Variants in RBFOX1 observed in about 807,000 individuals in gnomAD.
RBFOX1 encodes the protein RNA binding protein fox-1 homolog 1.
Under a neutral mutation model 57.7 loss-of-function variants are expected in RBFOX1, and 8 were observed. The observed-to-expected ratio is 0.14, with a 90% confidence interval of 0.08 to 0.25. The LOEUF (loss-of-function observed/expected upper bound fraction) is 0.25. Among genes scored for constraint, RBFOX1 ranks in the 10% least tolerant of loss-of-function variants. RBFOX1 has a pLI of 1.00. For missense variants in RBFOX1, 611 were observed against 548.5 expected, an observed-to-expected ratio of 1.11 and a Z score of -1.14; for synonymous variants, 326 against 222.4, an observed-to-expected ratio of 1.47 and a Z score of -4.15.
chr16:5,698,478 C>G (rs1283664065), intron 3 of RBFOX1, among the ~76,000 whole-genome samples: 3 of 152,190 alleles, frequency 2.0e-5, no homozygotes, highest in South Asian at 2.1e-4. Flanking sequence ...TTCTAGAAAA[C>G]TGTACATGTA....
chr16:5,432,522 C>A (rs1332660223), intron 1 of RBFOX1, among the ~76,000 whole-genome samples: 1 of 147,566 alleles, frequency 6.8e-6, no homozygotes, highest in East Asian at 1.9e-4. Context: ...TATCGTCTTA[C>A]CTTACAACTG....
At chr16:6,978,753 A>G (rs1455494629) in intron 3 of RBFOX1, among the ~76,000 whole-genome samples, 1 of 152,212 alleles carries the variant, frequency 6.6e-6, no homozygotes, top group South Asian at 2.1e-4. Flanking sequence ...TTCGAACCCC[A>G]GATTTGAACC....
At chr16:7,347,872 C>G (rs1228926629) in intron 4 of RBFOX1, among the ~76,000 whole-genome samples, 5 of 152,166 alleles carry the variant, frequency 3.3e-5, no homozygotes, top group Non-Finnish European at 1.5e-5. Context: ...CATTCCGAGA[C>G]AGGCGTCTTG....
chr16:5,929,325 T>G (rs2059000357), intron 4 of RBFOX1, among the ~76,000 whole-genome samples: 1 of 152,078 alleles, frequency 6.6e-6, no homozygotes, highest in Admixed American at 6.5e-5. Flanking sequence ...CCTCTCTCTC[T>G]CTCTCTCTCT....
chr16:7,464,436 T>C (rs187371580), intron 4 of RBFOX1, among the ~76,000 whole-genome samples: 3 of 152,122 alleles, frequency 2.0e-5, no homozygotes, highest in African/African-American at 4.8e-5. Context: ...TGGTGGTCAC[T>C]TCTGCAAAAT....
chr16:5,580,970 A>G (rs571490447), intron 2 of RBFOX1, among the ~76,000 whole-genome samples: 1 of 152,324 alleles, frequency 6.6e-6, no homozygotes, highest in Non-Finnish European at 1.5e-5. Context: ...GTTTTCCTTT[A>G]TCTCAACTCT....
chr16:7,439,953 T>TC (rs2098753334), intron 4 of RBFOX1, among the ~76,000 whole-genome samples: 1 of 147,408 alleles, frequency 6.8e-6, no homozygotes, highest in Non-Finnish European at 1.5e-5. Flanking sequence ...TTCTTTCTTT[T>TC]TTTTTTTTTT....
intron 3 of RBFOX1, among the ~76,000 whole-genome samples, chr16:6,791,354 C>A (rs1019355918): frequency 6.6e-6 from 1 of 152,130 alleles, no homozygotes; most frequent in Non-Finnish European, 1.5e-5. Context: ...TACTTTGCAT[C>A]AAATTATTTC....
intron 4 of RBFOX1, among the ~76,000 whole-genome samples, chr16:7,154,640 G>C (rs2076725052): frequency 6.6e-6 from 1 of 151,546 alleles, no homozygotes; most frequent in African/African-American, 2.4e-5. Context: ...AATGTGATTG[G>C]AGAGGCATAA....
chr16:7,102,371 T>C (rs2062844565), intron 4 of RBFOX1, among the ~76,000 whole-genome samples: 1 of 152,218 alleles, frequency 6.6e-6, no homozygotes, highest in African/African-American at 2.4e-5. Flanking sequence ...AGCCTTAGAA[T>C]TGTCTTTAGT....
chr16:5,833,829 G>T (rs930383168), intron 3 of RBFOX1, among the ~76,000 whole-genome samples: 11 of 152,096 alleles, frequency 7.2e-5, no homozygotes, highest in African/African-American at 2.4e-4. Context: ...TTATAATTTT[G>T]GAAAGATTGG....
intron 2 of RBFOX1, among the ~76,000 whole-genome samples, chr16:5,516,733 G>A (rs1210827788): frequency 6.6e-6 from 1 of 152,004 alleles, no homozygotes; most frequent in African/African-American, 2.4e-5. Flanking sequence ...TTTTTTGCAT[G>A]CTGTTCTCGA....
intron 4 of RBFOX1, among the ~76,000 whole-genome samples, chr16:7,337,142 C>T (rs138906709): frequency 3.3e-5 from 5 of 152,222 alleles, no homozygotes; most frequent in African/African-American, 1.2e-4. Flanking sequence ...TACACTTAGA[C>T]AAAGCTAGGT....
At chr16:7,329,346 C>G (rs1051105005) in intron 4 of RBFOX1, among the ~76,000 whole-genome samples, 2 of 152,140 alleles carry the variant, frequency 1.3e-5, no homozygotes, top group African/African-American at 2.4e-5. Context: ...TGCATTACAC[C>G]GTGAGCGTAA....
chr16:5,643,469 G>A (rs2048947085), intron 3 of RBFOX1, among the ~76,000 whole-genome samples: 1 of 152,152 alleles, frequency 6.6e-6, no homozygotes, highest in Non-Finnish European at 1.5e-5. Context: ...GAGCTTCTCT[G>A]CTGAGAGGTA....
At chr16:6,720,205 T>C (rs1301543649) in intron 3 of RBFOX1, among the ~76,000 whole-genome samples, 1 of 152,162 alleles carries the variant, frequency 6.6e-6, no homozygotes, top group Non-Finnish European at 1.5e-5. Flanking sequence ...TTGTAGTCCT[T>C]ATCACCTTGG....
At chr16:6,332,504 C>T (rs1023308447) in intron 2 of RBFOX1, among the ~76,000 whole-genome samples, 1 of 152,186 alleles carries the variant, frequency 6.6e-6, no homozygotes, top group Non-Finnish European at 1.5e-5. Context: ...ATATAGGAGA[C>T]ATGACTGACT....
intron 2 of RBFOX1, among the ~76,000 whole-genome samples, chr16:5,526,595 C>T (rs1479457361): frequency 6.6e-6 from 1 of 152,140 alleles, no homozygotes; most frequent in African/African-American, 2.4e-5. Flanking sequence ...GGCTTCCACT[C>T]CCTTTTGTGA....
intron 3 of RBFOX1, among the ~76,000 whole-genome samples, chr16:5,803,423 A>G (rs1398778580): frequency 1.3e-5 from 2 of 152,226 alleles, no homozygotes; most frequent in African/African-American, 4.8e-5. Context: ...CACACTGACC[A>G]GATCCGGGAT....
Sources: allele counts gnomAD v4.1 joint callset (sites outside exome capture counted in the v4.1 genomes callset), GRCh38; gene constraint gnomAD v4.1.1; transcripts MANE v1.5; gene names NCBI Gene and HGNC (gene_info 2026-07-23, HGNC 2026-07-21).